The following S1PR1 variants were observed in gnomAD, a reference collection of about 807,000 sequenced individuals.
S1PR1 encodes the protein sphingosine-1-phosphate receptor 1.
A neutral mutation model predicts 18.3 loss-of-function variants in S1PR1; 2 were observed. That is an observed-to-expected ratio of 0.11 (90% CI 0.04 to 0.34). The LOEUF is 0.34. Ranked by LOEUF, S1PR1 falls within the 10% of genes least tolerant of loss-of-function variation. S1PR1 has a pLI of 1.00. For missense variants in S1PR1, 335 were observed against 493.8 expected (o/e 0.68, Z 3.05); for synonymous variants, 222 against 211.2 (o/e 1.05, Z -0.44).
At position 101,239,056 on chromosome 1, in the gene S1PR1, C is replaced by T. The variant is rs760417578; in HGVS notation, c.72C>T (p.Ile24=). The part of the protein sequence containing the change: ...SSVSDYVNYD[I]IVRHYNYTGK... The stretch of plus-strand genomic sequence containing the variant: ...TCTCTGACTACGTCAACTATGATAT[C>T]ATCGTCCGGCATTACAACTACACGG... The change falls in exon 2 of 2, where the codon ATC becomes ATT. Residue 24 remains isoleucine, a synonymous_variant. Transcript: ENST00000305352. The surrounding 1 kb of genome is among the most constrained non-coding windows in gnomAD (Gnocchi z 6.3). 4.3e-6 allele frequency: 7 copies of T among 1,614,146 alleles called. No homozygotes were observed. The highest frequency in any genetic ancestry group is 1.7e-5 in the Admixed American group (1 of 60,008).
chr1:101,237,860 A>C (rs1652758729), intron 1 of S1PR1, among the ~76,000 whole-genome samples: 1 of 152,112 alleles, frequency 6.6e-6, no homozygotes, highest in Non-Finnish European at 1.5e-5. Flanking sequence ...TCTTTTGTGT[A>C]TGTTTTGGCT....
rs1048378011 is a variant in S1PR1 at position 101,238,967 on chromosome 1, G to A, written c.-18G>A. On this transcript the variant is annotated 5_prime_UTR_variant, in exon 2 of 2. Coordinates refer to ENST00000305352, the MANE Select transcript of S1PR1 (RefSeq NM_001400.5). ...GAGTAGCGCCACCCCGGCTTCCTGG[G>A]GACACAGGGTTGGCACCATGGGGCC... 3 of 1,599,246 alleles carry A rather than the reference G, an allele frequency of 1.9e-6. No individual in the cohort carries two copies. In the African/African-American group the frequency reaches 4.0e-5, roughly 21 times the overall value.
intron 1 of S1PR1, among the ~76,000 whole-genome samples, chr1:101,238,473 G>A (rs17100954): frequency 0.081 from 12,213 of 151,384 alleles, 670 homozygotes; most frequent in East Asian, 0.26. Context: ...GTTAAAATGG[G>A]GTGTAGTTCT....
chr1:101,241,989 T>C (rs1652926794), downstream of S1PR1, among the ~76,000 whole-genome samples: 1 of 148,890 alleles, frequency 6.7e-6, no homozygotes, highest in Non-Finnish European at 1.5e-5. Context: ...GATATGGATA[T>C]GGGTATTAAA....
chr1:101,239,458 C>T lies in S1PR1; in HGVS notation c.474C>T (p.Phe158=), dbSNP rs1216877790. The change falls in exon 2 of 2, where the codon TTC becomes TTT. Residue 158 remains phenylalanine (F), a synonymous_variant. Coordinates refer to ENST00000305352, the MANE Select transcript of S1PR1 (RefSeq NM_001400.5). This position sits in a 1 kb window ranked among gnomAD's most constrained non-coding sequence, Gnocchi z 6.3. ...KMKLHNGSNN[F]RLFLLISACW... is the part of the protein sequence containing the mutation. ...AACTCCACAACGGGAGCAATAACTT[C>T]CGCCTCTTCCTGCTAATCAGCGCCT... 1 of 1,614,188 alleles carries T rather than the reference C, an allele frequency of 6.2e-7. No individual in the cohort carries two copies. The highest frequency in any genetic ancestry group is 8.5e-7 in the Non-Finnish European group (1 of 1,180,040).
rs559631460 is a variant in S1PR1 at position 101,239,393 on chromosome 1, G to A, written c.409G>A (p.Ala137Thr). 6.2e-7 allele frequency: 1 copy of A among 1,613,974 alleles called. No individual in the cohort carries two copies. The highest frequency in any genetic ancestry group is 1.3e-5 in the African/African-American group (1 of 74,868). Residue 137 changes from alanine to threonine, a missense_variant, in exon 2 of 2, where the codon GCC becomes ACC. Physicochemically the swap from Ala to Thr is moderately conservative, Grantham distance 58 (BLOSUM62 0). This residue lies in a region of S1PR1 where 214 missense variants were observed against 366.6 expected (regional missense o/e 0.58). Coordinates refer to ENST00000305352, the MANE Select transcript of S1PR1 (RefSeq NM_001400.5). The surrounding 1 kb of genome is among the most constrained non-coding windows in gnomAD (Gnocchi z 6.3). The part of the protein sequence containing the change: ...ALSASVFSLL[A>T]IAIERYITML... ...GTCAGCCTCCGTGTTCAGTCTCCTC[G>A]CCATCGCCATTGAGCGCTATATCAC...
rs768026811 is a variant in S1PR1, at chr1:101,239,041, C to T, written c.57C>T (p.Tyr19=). The change falls in exon 2 of 2, where the codon TAC becomes TAT. Residue 19 remains tyrosine (Y), a synonymous_variant. Coordinates refer to ENST00000305352, the MANE Select transcript of S1PR1 (RefSeq NM_001400.5). This position sits in a 1 kb window ranked among gnomAD's most constrained non-coding sequence, Gnocchi z 6.3. The part of the protein sequence containing the change: ...VKAHRSSVSD[Y]VNYDIIVRHY... ...CCCACCGCAGCTCGGTCTCTGACTA[C>T]GTCAACTATGATATCATCGTCCGGC... The T allele has an allele frequency of 3.1e-6, 5 of 1,614,244 alleles. No individual in the cohort carries two copies. The South Asian group carries it at 3.3e-5, about 11-fold the overall frequency.
chr1:101,237,886 A>G (rs1652759139), intron 1 of S1PR1, among the ~76,000 whole-genome samples: 1 of 152,016 alleles, frequency 6.6e-6, no homozygotes, highest in Non-Finnish European at 1.5e-5. Context: ...AAACAAAGCA[A>G]AAAATATTTA....
At position 101,238,901 on chromosome 1, in the gene S1PR1, C is replaced by G. The variant is rs1261313240; in HGVS notation, c.-84C>G. ...ATCACTCATCGAACCACCCCTGAAG[C>G]CAGTGAAGGCTCTCTCGCCTCGCCC... is the stretch of plus-strand genomic sequence containing the variant. On this transcript the variant is annotated 5_prime_UTR_variant, in exon 2 of 2. Transcript: ENST00000305352. 2.2e-6 allele frequency: 3 copies of G among 1,355,436 alleles called. No homozygotes were observed. The highest frequency in any genetic ancestry group is 3.0e-6 in the Non-Finnish European group (3 of 1,006,694). The allele number at this position is 1,355,436 out of a possible 1,614,324, so 84.0% of individuals were successfully genotyped here. A position where few individuals can be genotyped will look rare whatever the true frequency, so the allele number is the denominator to read the frequency against.
Position 101,239,042 on chromosome 1 carries a change from G to C in S1PR1, c.58G>C (p.Val20Leu). 1 of 1,614,250 alleles carries C rather than the reference G, an allele frequency of 6.2e-7. No homozygotes were observed. The highest frequency in any genetic ancestry group is 1.1e-5 in the South Asian group (1 of 91,084). ...CCACCGCAGCTCGGTCTCTGACTAC[G>C]TCAACTATGATATCATCGTCCGGCA... ...KAHRSSVSDY[V>L]NYDIIVRHYN... The change falls in exon 2 of 2, where the codon GTC (valine) becomes CTC (leucine). Residue 20 changes from valine (V) to leucine (L), a missense_variant. Physicochemically the swap from Val to Leu is conservative, Grantham distance 32. This residue lies in a region of S1PR1 where 31 missense variants were observed against 29.6 expected (regional missense o/e 1.05). Transcript: ENST00000305352. The surrounding 1 kb of genome is among the most constrained non-coding windows in gnomAD (Gnocchi z 6.3).
Position 101,239,773 on chromosome 1 carries a change from C to T in S1PR1, c.789C>T (p.Ser263=), listed in dbSNP as rs756571026. The T allele has an allele frequency of 1.2e-6, 2 of 1,613,536 alleles. No homozygotes were observed. Among genetic ancestry groups the T allele is most frequent in the Non-Finnish European group, 1.7e-6 (2 of 1,180,022 alleles). ...ALLKTVIIVL[S]VFIACWAPLF... is the part of the protein sequence containing the mutation. ...TCAAGACCGTAATTATCGTCCTGAG[C>T]GTCTTCATCGCCTGCTGGGCACCGC... Residue 263 remains serine (S), a synonymous_variant, in exon 2 of 2, where the codon AGC becomes AGT. Transcript: ENST00000305352. This position sits in a 1 kb window ranked among gnomAD's most constrained non-coding sequence, Gnocchi z 6.3.
rs186285013 is a variant in S1PR1, at chr1:101,240,527, C to A, written c.*394C>A. ...GAGATGTTTTCCTTCACTTTAGTTT[C>A]AAACCCAAGTGAGTGTGTGCACTTC... On this transcript the variant is annotated 3_prime_UTR_variant, in exon 2 of 2. Coordinates refer to ENST00000305352, the MANE Select transcript of S1PR1 (RefSeq NM_001400.5). The A allele has an allele frequency of 4.0e-6, 1 of 251,852 alleles. No homozygotes were observed. Among genetic ancestry groups the A allele is most frequent in the Admixed American group, 5.1e-5 (1 of 19,450 alleles). The allele number at this position is 251,852 out of a possible 1,614,324, so 15.6% of individuals were successfully genotyped here.
intron 1 of S1PR1, among the ~76,000 whole-genome samples, 193 bp from the exon 2 acceptor site, chr1:101,238,629 C>CT (rs1652784518): frequency 6.7e-6 from 1 of 150,160 alleles, no homozygotes; most frequent in South Asian, 2.1e-4. Context: ...CCCCCTCTTC[C>CT]TTTTTTGAAA....
In S1PR1 at chr1:101,241,430, T is replaced by C. The variant is rs1239581910; in HGVS notation, c.*1297T>C. The C allele has an allele frequency of 1.2e-5, 2 of 167,236 alleles. No homozygotes were observed. The highest frequency in any genetic ancestry group is 2.9e-5 in the Non-Finnish European group (2 of 68,110). 10.4% of individuals were successfully genotyped at this position (167,236 alleles called of 1,614,324 possible). On this transcript the variant is annotated 3_prime_UTR_variant, in exon 2 of 2. Transcript: ENST00000305352. ...AGATGTCTTGTTTTTTTAAAAAGAA[T>C]AGTATTTAATAGGTTTCTGACTTTT...
In S1PR1 at chr1:101,239,247, C is replaced by T; in HGVS notation, c.263C>T (p.Ala88Val). ...ATGTACTATTTTATTGGCAATCTGG[C>T]CCTCTCAGACCTGTTGGCAGGAGTA... is the stretch of plus-strand genomic sequence containing the variant. ...RPMYYFIGNL[A>V]LSDLLAGVAY... is the part of the protein sequence containing the mutation. Residue 88 changes from alanine to valine, a missense_variant, in exon 2 of 2, where the codon GCC (alanine) becomes GTC (valine). This residue lies in a region of S1PR1 where 214 missense variants were observed against 366.6 expected (regional missense o/e 0.58). Coordinates refer to ENST00000305352, the MANE Select transcript of S1PR1 (RefSeq NM_001400.5). This position sits in a 1 kb window ranked among gnomAD's most constrained non-coding sequence, Gnocchi z 6.3. The T allele has an allele frequency of 6.2e-7, 1 of 1,614,164 alleles. No homozygotes were observed.
Position 101,239,384 on chromosome 1 carries a change from A to G in S1PR1, c.400A>G (p.Ser134Gly). 1.9e-6 allele frequency: 3 copies of G among 1,614,172 alleles called. No individual in the cohort carries two copies. Among genetic ancestry groups the G allele is most frequent in the Non-Finnish European group, 2.5e-6 (3 of 1,180,014 alleles). The change falls in exon 2 of 2, where the codon AGT becomes GGT. Residue 134 changes from serine (S) to glycine (G), a missense_variant. By Grantham distance (56) the Ser-to-Gly change is moderately conservative. This residue lies in a region of S1PR1 where 214 missense variants were observed against 366.6 expected (regional missense o/e 0.58). Transcript: ENST00000305352. The surrounding 1 kb of genome is among the most constrained non-coding windows in gnomAD (Gnocchi z 6.3). ...TGTGGCCCTGTCAGCCTCCGTGTTCAGTCTCCTCGCCATCGCCATTGAGCG... is the reference window on the plus strand; with the variant it reads ...TGTGGCCCTGTCAGCCTCCGTGTTCGGTCTCCTCGCCATCGCCATTGAGCG... ...MFVALSASVF[S>G]LLAIAIERYI...
intron 1 of S1PR1, chr1:101,238,153 TG>T (rs1195286329): frequency 2.0e-5 from 3 of 152,102 alleles, no homozygotes; most frequent in African/African-American, 7.3e-5. Context: ...TAAGCACACC[TG>T]CTCCTAGAGA....
intron 1 of S1PR1, among the ~76,000 whole-genome samples, 198 bp downstream of exon 1, chr1:101,237,297 T>C (rs1652718074): frequency 6.6e-6 from 1 of 152,204 alleles, no homozygotes; most frequent in South Asian, 2.1e-4. Context: ...ACTTGTGATT[T>C]ATGGAGTTCA....
Position 101,239,863 on chromosome 1 carries a change from G to C in S1PR1, c.879G>C (p.Ala293=). The change falls in exon 2 of 2, where the codon GCG becomes GCC. Residue 293 remains alanine (A), a synonymous_variant. Transcript: ENST00000305352. This position sits in a 1 kb window ranked among gnomAD's most constrained non-coding sequence, Gnocchi z 6.3. ...KVKTCDILFR[A]EYFLVLAVLN... ...AGACCTGTGACATCCTCTTCAGAGC[G>C]GAGTACTTCCTGGTGTTAGCTGTGC... The C allele has an allele frequency of 6.2e-7, 1 of 1,613,694 alleles. No individual in the cohort carries two copies. The highest frequency in any genetic ancestry group is 2.2e-5 in the East Asian group (1 of 44,884).
Sources: allele counts gnomAD v4.1 joint callset (sites outside exome capture counted in the v4.1 genomes callset), GRCh38; gene constraint gnomAD v4.1.1; regional missense constraint gnomAD v4.1.1; non-coding constraint Gnocchi (gnomAD v3.1); transcripts MANE v1.5; gene names NCBI Gene and HGNC (gene_info 2026-07-23, HGNC 2026-07-21).